Variants in MRPS27 observed in about 807,000 individuals in gnomAD.
The protein encoded by MRPS27 is mitochondrial ribosomal protein S27, also known as small ribosomal subunit protein mS27.
A neutral mutation model predicts 48.9 loss-of-function variants in MRPS27; 43 were observed. The observed-to-expected ratio is 0.88, with a 90% confidence interval of 0.69 to 1.13. The LOEUF is 1.13. Ranked by LOEUF, MRPS27 falls within the 50% of genes most tolerant of loss-of-function variation. The pLI, the probability that MRPS27 is intolerant of heterozygous loss-of-function variation, is 0.00. For synonymous variants in MRPS27, 188 were observed against 171.9 expected (o/e 1.09, Z -0.73); for missense variants, 467 against 476.3 (o/e 0.98, Z 0.18).
At chr5:72,265,408 C>T (rs1219740140) in intron 4 of MRPS27, among the ~76,000 whole-genome samples, 1 of 152,174 alleles carries the variant, frequency 6.6e-6, no homozygotes, top group Non-Finnish European at 1.5e-5. Context: ...GAGCAGTGCC[C>T]AGTTTACAAA....
intron 4 of MRPS27, among the ~76,000 whole-genome samples, chr5:72,283,646 C>T (rs1749587406): frequency 6.6e-6 from 1 of 152,148 alleles, no homozygotes; most frequent in African/African-American, 2.4e-5. Context: ...CTCCAAAGGT[C>T]TGTGGCCAGT....
At chr5:72,283,419 G>A (rs1017097024) in intron 4 of MRPS27, among the ~76,000 whole-genome samples, 2 of 152,118 alleles carry the variant, frequency 1.3e-5, no homozygotes, top group Non-Finnish European at 2.9e-5. Flanking sequence ...GAGATACACT[G>A]GGCTAGCTGA....
intron 4 of MRPS27, among the ~76,000 whole-genome samples, chr5:72,249,752 C>T (rs550577061): frequency 4.0e-5 from 6 of 151,568 alleles, no homozygotes; most frequent in East Asian, 3.9e-4. Context: ...GAGGCCGAGG[C>T]GGGTGGATCA....
At chr5:72,291,026 T>C (rs1234557596) in intron 4 of MRPS27, among the ~76,000 whole-genome samples, 1 of 152,182 alleles carries the variant, frequency 6.6e-6, no homozygotes, top group Non-Finnish European at 1.5e-5. Context: ...AGCGCTGGTC[T>C]CCTGACAGGT....
intron 4 of MRPS27, among the ~76,000 whole-genome samples, chr5:72,275,524 A>C (rs1414342208): frequency 6.6e-6 from 1 of 152,252 alleles, no homozygotes; most frequent in Non-Finnish European, 1.5e-5. Context: ...CATTAGAAAA[A>C]AACTATTTTA....
intron 4 of MRPS27, among the ~76,000 whole-genome samples, chr5:72,246,196 A>G (rs1359589659): frequency 1.3e-5 from 2 of 152,210 alleles, no homozygotes; most frequent in Non-Finnish European, 2.9e-5. Flanking sequence ...GCTGAAATTC[A>G]TGAGGATTAT....
chr5:72,299,036 CA>C (rs1750060362), intron 2 of MRPS27, among the ~76,000 whole-genome samples: 1 of 152,032 alleles, frequency 6.6e-6, no homozygotes, highest in Non-Finnish European at 1.5e-5. Context: ...CCAAATACCA[CA>C]TGTTCTCATT....
chr5:72,236,424 T>C (rs543167231), intron 5 of MRPS27, among the ~76,000 whole-genome samples: 21 of 152,278 alleles, frequency 1.4e-4, no homozygotes, highest in African/African-American at 4.1e-4. Flanking sequence ...GCCTGGATCT[T>C]CTGATTTCTA....
intron 8 of MRPS27, 123 bp from the exon 9 acceptor site, chr5:72,226,322 T>G (rs1166591869): frequency 8.5e-7 from 1 of 1,182,062 alleles, no homozygotes; most frequent in Non-Finnish European, 1.2e-6. Context: ...AGGATCATTT[T>G]AAATCTGTAC....
intron 7 of MRPS27, among the ~76,000 whole-genome samples, chr5:72,232,145 T>G (rs914931227): frequency 6.6e-6 from 1 of 152,202 alleles, no homozygotes; most frequent in African/African-American, 2.4e-5. Flanking sequence ...CACTGCCTCT[T>G]TGACATGCCA....
At chr5:72,298,862 A>G (rs1263492437) in intron 2 of MRPS27, among the ~76,000 whole-genome samples, 1 of 152,200 alleles carries the variant, frequency 6.6e-6, no homozygotes, top group Admixed American at 6.5e-5. Flanking sequence ...TAGCAAAGAC[A>G]TGGAATCAAC....
At chr5:72,270,306 A>G (rs1749204559) in intron 4 of MRPS27, among the ~76,000 whole-genome samples, 1 of 151,222 alleles carries the variant, frequency 6.6e-6, no homozygotes, top group Admixed American at 6.6e-5. Flanking sequence ...CTCATTAATT[A>G]AAGGCTATTC....
At chr5:72,241,871 G>C (rs536164899) in intron 4 of MRPS27, among the ~76,000 whole-genome samples, 2 of 152,284 alleles carry the variant, frequency 1.3e-5, no homozygotes, top group South Asian at 4.1e-4. Flanking sequence ...CTCGACAGAA[G>C]CTTTATTATT....
At chr5:72,288,666 A>G (rs1022233365) in intron 4 of MRPS27, 4 of 152,228 alleles carry the variant, frequency 2.6e-5, no homozygotes, top group Non-Finnish European at 5.9e-5. Context: ...TAAGAACTAA[A>G]TAAAGAACTA....
chr5:72,289,632 A>G (rs969454543), intron 4 of MRPS27, among the ~76,000 whole-genome samples: 1 of 152,088 alleles, frequency 6.6e-6, no homozygotes, highest in East Asian at 1.9e-4. Context: ...TATGTTGCCC[A>G]GGCTGGTATT....
chr5:72,234,083 G>A, intron 6 of MRPS27, 36 bp downstream of exon 6: 3 of 1,455,038 alleles, frequency 2.1e-6, no homozygotes, highest in Non-Finnish European at 9.1e-7. Context: ...GGAGCTGGAA[G>A]CCCTATAAAC....
chr5:72,252,096 TG>T (rs1748682440), intron 4 of MRPS27, among the ~76,000 whole-genome samples: 1 of 152,210 alleles, frequency 6.6e-6, no homozygotes, highest in African/African-American at 2.4e-5. Flanking sequence ...AAAAAAATTA[TG>T]GGTACAAATA....
At chr5:72,221,484 A>G (rs1747740361) in intron 10 of MRPS27, among the ~76,000 whole-genome samples, 1 of 152,200 alleles carries the variant, frequency 6.6e-6, no homozygotes, top group Non-Finnish European at 1.5e-5. Context: ...GGAACTCCAT[A>G]TGCTGTGTCT....
At chr5:72,316,940 A>T (rs1580124033) in intron 1 of MRPS27, among the ~76,000 whole-genome samples, 1 of 151,724 alleles carries the variant, frequency 6.6e-6, no homozygotes, top group African/African-American at 2.4e-5. Flanking sequence ...GAGGCAAGAG[A>T]ATCCCTTGAA....
Sources: gnomAD v4.1 joint callset for allele counts (sites outside exome capture counted in the v4.1 genomes callset) on GRCh38, gnomAD v4.1.1 for gene constraint, MANE v1.5 for transcripts, NCBI Gene and HGNC (gene_info 2026-07-23, HGNC 2026-07-21) for gene names.